Variants in PACRG observed in about 807,000 individuals in gnomAD.
PACRG encodes the protein parkin coregulated.
PACRG carries 29 observed loss-of-function variants against 29.7 expected under a neutral mutation model. That is an observed-to-expected ratio of 0.98 (90% CI 0.73 to 1.33). The LOEUF (loss-of-function observed/expected upper bound fraction) is 1.33. PACRG is among the 40% of genes most tolerant of loss of function. The pLI is 0.00. For missense variants in PACRG, 279 were observed against 316.2 expected, an observed-to-expected ratio of 0.88 and a Z score of 0.89; for synonymous variants, 116 against 118.7, an observed-to-expected ratio of 0.98 and a Z score of 0.15.
intron 2 of PACRG, among the ~76,000 whole-genome samples, chr6:162,976,962 A>G (rs9346942): frequency 0.53 from 80,708 of 151,876 alleles, 21,846 homozygotes; most frequent in East Asian, 0.78. Flanking sequence ...GGAAATGAAA[A>G]CAGGGTAAAA....
intron 2 of PACRG, among the ~76,000 whole-genome samples, chr6:162,817,386 C>G (rs985790982): frequency 2.0e-5 from 3 of 152,154 alleles, no homozygotes; most frequent in Admixed American, 6.5e-5. Flanking sequence ...GTTTCTCAGC[C>G]CACGCCCTGC....
intron 2 of PACRG, among the ~76,000 whole-genome samples, chr6:162,880,298 A>G (rs540470078): frequency 6.6e-6 from 1 of 152,194 alleles, no homozygotes; most frequent in South Asian, 2.1e-4. Flanking sequence ...GAATTTGTGG[A>G]TGATGTTGCC....
intron 4 of PACRG, among the ~76,000 whole-genome samples, chr6:163,102,150 A>T (rs1377812080): frequency 6.6e-6 from 1 of 152,198 alleles, no homozygotes; most frequent in Non-Finnish European, 1.5e-5. Flanking sequence ...AAGCAGGTCT[A>T]GAAAAGGATG....
intron 4 of PACRG, among the ~76,000 whole-genome samples, chr6:163,289,831 TTTTTTC>T (rs1409298787): frequency 2.6e-5 from 4 of 151,926 alleles, no homozygotes; most frequent in African/African-American, 7.2e-5. Context: ...CTTCTGTTTT[TTTTTTC>T]TTTTTCTTTT....
intron 2 of PACRG, among the ~76,000 whole-genome samples, chr6:162,972,586 C>T (rs1801624984): frequency 6.6e-6 from 1 of 152,208 alleles, no homozygotes; most frequent in South Asian, 2.1e-4. Flanking sequence ...ATCCCGGCAC[C>T]TGCAGATTGG....
At chr6:162,823,914 C>T (rs1232959645) in intron 2 of PACRG, among the ~76,000 whole-genome samples, 1 of 152,114 alleles carries the variant, frequency 6.6e-6, no homozygotes, top group Non-Finnish European at 1.5e-5. Flanking sequence ...TGCACCTGGC[C>T]AATACCCAGT....
intron 2 of PACRG, among the ~76,000 whole-genome samples, chr6:163,033,400 A>T (rs1807849234): frequency 6.6e-6 from 1 of 152,268 alleles, no homozygotes; most frequent in East Asian, 1.9e-4. Flanking sequence ...TCAAAGAAAC[A>T]GTGTATAACC....
At chr6:162,776,363 A>G (rs138321667) in intron 1 of PACRG, among the ~76,000 whole-genome samples, 345 of 152,316 alleles carry the variant, frequency 2.3e-3, no homozygotes, top group Non-Finnish European at 3.9e-3. Context: ...CAGGTCACAC[A>G]AGCCCTGGAG....
chr6:162,937,095 C>A (rs1798288683), intron 2 of PACRG, among the ~76,000 whole-genome samples: 1 of 152,190 alleles, frequency 6.6e-6, no homozygotes, highest in South Asian at 2.1e-4. Context: ...AAGGTCTAGA[C>A]TGATGTCATT....
In PACRG at chr6:162,761,316, A is replaced by G. The variant is rs560675724; in HGVS notation, c.156+32925A>G. Among the ~76,000 whole-genome samples the G allele has an allele frequency of 5.9e-5, 9 of 152,324 alleles. No homozygotes were observed. In the East Asian group the frequency reaches 1.2e-3, roughly 20 times the overall value. The stretch of plus-strand genomic sequence containing the variant: ...GGTTGGGTCTTAACCCTGTAGCAAT[A>G]TAGATGAGCTGAGCTGGTAGAAGTT... On this transcript the variant is annotated intron_variant, in intron 1 of 4. Coordinates refer to ENST00000366888, the MANE Select transcript of PACRG (RefSeq NM_001080379.2).
At chr6:163,154,499 GAC>G (rs1180086548) in intron 4 of PACRG, among the ~76,000 whole-genome samples, 2 of 152,162 alleles carry the variant, frequency 1.3e-5, no homozygotes, top group Non-Finnish European at 2.9e-5. Context: ...TATTAAGACA[GAC>G]AAAAGGACTG....
intron 4 of PACRG, among the ~76,000 whole-genome samples, chr6:163,219,150 G>A (rs1781479056): frequency 6.6e-6 from 1 of 152,190 alleles, no homozygotes; most frequent in Admixed American, 6.5e-5. Context: ...CTATTTGAAT[G>A]TCTAAATAGG....
chr6:163,035,437 A>G (rs1158973171), intron 2 of PACRG, among the ~76,000 whole-genome samples: 1 of 152,158 alleles, frequency 6.6e-6, no homozygotes, highest in Non-Finnish European at 1.5e-5. Flanking sequence ...TCACGAGGTC[A>G]GGAGATCGAG....
intron 3 of PACRG, among the ~76,000 whole-genome samples, chr6:163,075,527 A>G (rs1345260696): frequency 2.0e-5 from 3 of 152,210 alleles, no homozygotes; most frequent in African/African-American, 7.2e-5. Flanking sequence ...AATAGAATCC[A>G]TCAATATATA....
At chr6:162,811,150 TA>T (rs1330822984) in intron 1 of PACRG, among the ~76,000 whole-genome samples, 27 of 152,192 alleles carry the variant, frequency 1.8e-4, no homozygotes, top group Admixed American at 3.3e-4. Flanking sequence ...TTTCAAGTGC[TA>T]AAAGATAGAA....
At chr6:162,796,707 CAA>C (rs35582026) in intron 1 of PACRG, among the ~76,000 whole-genome samples, 2 of 141,762 alleles carry the variant, frequency 1.4e-5, no homozygotes, top group Admixed American at 1.4e-4. Context: ...ATAGATGAAG[CAA>C]AAAAAAAAAG....
intron 2 of PACRG, among the ~76,000 whole-genome samples, chr6:162,940,428 C>G (rs553666272): frequency 1.3e-4 from 20 of 152,196 alleles, no homozygotes; most frequent in Admixed American, 7.8e-4. Context: ...TCCTATCTCT[C>G]TCTGTCTGTC....
chr6:163,210,601 A>G (rs983172656), intron 4 of PACRG, among the ~76,000 whole-genome samples: 1 of 152,212 alleles, frequency 6.6e-6, no homozygotes, highest in African/African-American at 2.4e-5. Context: ...CTGCAGAGGC[A>G]TGTTGAAGGG....
At chr6:163,098,184 G>C (rs1472660379) in intron 4 of PACRG, among the ~76,000 whole-genome samples, 3 of 152,046 alleles carry the variant, frequency 2.0e-5, no homozygotes, top group Non-Finnish European at 4.4e-5. Context: ...AGAAGTAAAA[G>C]GTCAGAGTTC....
Sources: gnomAD v4.1 joint callset for allele counts (sites outside exome capture counted in the v4.1 genomes callset) on GRCh38, gnomAD v4.1.1 for gene constraint, MANE v1.5 for transcripts, NCBI Gene and HGNC (gene_info 2026-07-23, HGNC 2026-07-21) for gene names.